Variants in LDB2 observed in about 807,000 individuals in gnomAD.
LDB2 encodes the protein LIM domain binding 2.
In LDB2, 12 loss-of-function variants were observed where a neutral mutation model predicts 44.3. The ratio of observed to expected loss-of-function variants is 0.27; its 90% confidence interval spans 0.17 to 0.44. LDB2 has a LOEUF of 0.44. Ranked by LOEUF, LDB2 falls within the 20% of genes least tolerant of loss-of-function variation. The pLI is 1.00. For synonymous variants in LDB2, 164 were observed against 174.8 expected (o/e 0.94, Z 0.49); for missense variants, 344 against 473.5 (o/e 0.73, Z 2.54).
At chr4:16,816,555 C>T (rs573262646) in intron 1 of LDB2, among the ~76,000 whole-genome samples, 1 of 147,034 alleles carries the variant, frequency 6.8e-6, no homozygotes, top group East Asian at 2.2e-4. Context: ...ACTACAGGCG[C>T]CTGCCACCAC....
intron 2 of LDB2, among the ~76,000 whole-genome samples, chr4:16,739,587 A>T (rs184303835): frequency 0.12 from 7,974 of 64,608 alleles, 1,813 homozygotes; most frequent in South Asian, 0.2. Flanking sequence ...AAAAAAAAAA[A>T]AAATATATAT....
intron 5 of LDB2, among the ~76,000 whole-genome samples, chr4:16,563,265 C>T (rs372690142): frequency 1.3e-5 from 2 of 151,218 alleles, no homozygotes; most frequent in Admixed American, 1.3e-4. Context: ...AGCTAGATCT[C>T]CCTCAGGATT....
chr4:16,744,498 G>A (rs796263663), intron 2 of LDB2, among the ~76,000 whole-genome samples: 5 of 135,078 alleles, frequency 3.7e-5, no homozygotes, highest in East Asian at 2.3e-4. Flanking sequence ...GTTTTGAGAC[G>A]GAGTCTCACT....
chr4:16,861,608 C>A (rs954309186), intron 1 of LDB2, among the ~76,000 whole-genome samples: 2 of 152,216 alleles, frequency 1.3e-5, no homozygotes, highest in African/African-American at 4.8e-5. Flanking sequence ...CAGTCCCAGG[C>A]CTCCTTCTAA....
chr4:16,617,277 C>T (rs985620776), intron 2 of LDB2, among the ~76,000 whole-genome samples: 1 of 151,292 alleles, frequency 6.6e-6, no homozygotes, highest in East Asian at 1.9e-4. Context: ...ACAGATAGGG[C>T]GAGTGGAATA....
intron 1 of LDB2, among the ~76,000 whole-genome samples, chr4:16,815,552 C>T (rs1183737383): frequency 1.3e-5 from 2 of 152,156 alleles, no homozygotes; most frequent in African/African-American, 2.4e-5. Flanking sequence ...TTGTAAGATC[C>T]TCTGACTACA....
chr4:16,506,026 C>A (rs1237807791), intron 7 of LDB2: 5 of 1,540,638 alleles, frequency 3.2e-6, no homozygotes, highest in Non-Finnish European at 4.4e-6. Flanking sequence ...TAAACCCTAG[C>A]CCTCGCCAGA....
chr4:16,583,538 A>C (rs1715557902), intron 5 of LDB2, among the ~76,000 whole-genome samples: 1 of 152,218 alleles, frequency 6.6e-6, no homozygotes, highest in Non-Finnish European at 1.5e-5. Flanking sequence ...ACATGAATGT[A>C]TTTTGTGACT....
chr4:16,885,096 G>A (rs1302038953), intron 1 of LDB2, among the ~76,000 whole-genome samples: 1 of 147,510 alleles, frequency 6.8e-6, no homozygotes, highest in Admixed American at 6.9e-5. Context: ...GAGGCGGGAG[G>A]ATCACTCAAG....
intron 1 of LDB2, among the ~76,000 whole-genome samples, chr4:16,804,658 A>G (rs1778450844): frequency 6.6e-6 from 1 of 152,222 alleles, no homozygotes; most frequent in African/African-American, 2.4e-5. Context: ...GGAATTGGTG[A>G]GGACTGTGGC....
chr4:16,770,704 A>G (rs2109340076), intron 1 of LDB2, among the ~76,000 whole-genome samples: 1 of 152,302 alleles, frequency 6.6e-6, no homozygotes, highest in Admixed American at 6.5e-5. Context: ...ACTCTATACT[A>G]TTCTAGTATG....
chr4:16,791,536 C>T (rs1051346281), intron 1 of LDB2, among the ~76,000 whole-genome samples: 2 of 92,866 alleles, frequency 2.2e-5, no homozygotes, highest in East Asian at 2.8e-4. Flanking sequence ...GCCCGGGCAA[C>T]AGAGCGAGAC....
intron 1 of LDB2, among the ~76,000 whole-genome samples, chr4:16,887,535 T>G (rs1276592407): frequency 6.7e-6 from 1 of 150,004 alleles, no homozygotes; most frequent in African/African-American, 2.5e-5. Flanking sequence ...TAAAAAAGGT[T>G]GTTTTTTTGT....
intron 2 of LDB2, among the ~76,000 whole-genome samples, chr4:16,673,411 C>T (rs911778164): frequency 1.4e-4 from 22 of 152,236 alleles, no homozygotes; most frequent in African/African-American, 4.6e-4. Context: ...CTGCTGCTTC[C>T]GTGTTTGATC....
At chr4:16,726,204 A>G (rs1025366649) in intron 2 of LDB2, 14 of 152,136 alleles carry the variant, frequency 9.2e-5, no homozygotes, top group African/African-American at 3.4e-4. Context: ...TGCTACTAAC[A>G]ATGCATGTAG....
chr4:16,629,714 T>C (rs1316990961), intron 2 of LDB2, among the ~76,000 whole-genome samples: 2 of 152,050 alleles, frequency 1.3e-5, no homozygotes, highest in Admixed American at 1.3e-4. Context: ...AATAGCTAAC[T>C]AGAATAACCA....
Position 16,532,564 on chromosome 4 carries a change from C to T in LDB2, c.616-20460G>A, listed in dbSNP as rs144424070. ...TATATTAACACTAGCATATTTTCAACTTTATTAGTAAAGTCTTAGAGTCTG... is the reference window on the plus strand; with the variant it reads ...TATATTAACACTAGCATATTTTCAATTTTATTAGTAAAGTCTTAGAGTCTG... On this transcript the variant is annotated intron_variant, in intron 5 of 7. Coordinates refer to ENST00000304523, the MANE Select transcript of LDB2 (RefSeq NM_001290.5). Among the ~76,000 whole-genome samples, 357 of 152,272 alleles carry T rather than the reference C, an allele frequency of 2.3e-3. 2 individuals are homozygous for T. The highest frequency in any genetic ancestry group is 8.0e-3 in the African/African-American group (334 of 41,572).
intron 5 of LDB2, among the ~76,000 whole-genome samples, chr4:16,538,420 AAAC>A (rs1732589557): frequency 6.6e-6 from 1 of 150,982 alleles, no homozygotes; most frequent in Non-Finnish European, 1.5e-5. Context: ...ACAAGCAAAA[AAAC>A]AAAAACAAAA....
intron 2 of LDB2, among the ~76,000 whole-genome samples, chr4:16,631,500 C>T (rs1731940199): frequency 6.6e-6 from 1 of 152,092 alleles, no homozygotes; most frequent in Non-Finnish European, 1.5e-5. Context: ...CTAAAATCGA[C>T]ACTCTAACAT....
Sources: allele counts gnomAD v4.1 joint callset (sites outside exome capture counted in the v4.1 genomes callset), GRCh38; gene constraint gnomAD v4.1.1; transcripts MANE v1.5; gene names NCBI Gene and HGNC (gene_info 2026-07-23, HGNC 2026-07-21).